The following PLXNC1 variants were observed in gnomAD, a reference collection of about 807,000 sequenced individuals.
PLXNC1 encodes plexin C1.
Under a neutral mutation model 178.2 loss-of-function variants are expected in PLXNC1, and 75 were observed. The ratio of observed to expected loss-of-function variants is 0.42; its 90% CI spans 0.35 to 0.51. PLXNC1 has a LOEUF of 0.51. PLXNC1 is among the 20% of genes least tolerant of loss of function. PLXNC1 has a pLI of 0.02. For missense variants in PLXNC1, 1,503 were observed against 1,984.4 expected (o/e 0.76, Z 4.61); for synonymous variants, 790 against 779.9 (o/e 1.01, Z -0.22).
intron 5 of PLXNC1, among the ~76,000 whole-genome samples, chr12:94,214,648 A>T (rs977913454): frequency 6.6e-6 from 1 of 152,256 alleles, no homozygotes; most frequent in Non-Finnish European, 1.5e-5. Flanking sequence ...ATATTTAAAT[A>T]TCAATAACCT....
At chr12:94,197,655 A>G (rs899804560) in intron 4 of PLXNC1, among the ~76,000 whole-genome samples, 2 of 152,222 alleles carry the variant, frequency 1.3e-5, no homozygotes, top group African/African-American at 2.4e-5. Flanking sequence ...GACACCATGT[A>G]AGGTGACACA....
At chr12:94,266,674 G>A (rs1221434789) in intron 21 of PLXNC1, among the ~76,000 whole-genome samples, 1 of 152,186 alleles carries the variant, frequency 6.6e-6, no homozygotes, top group Non-Finnish European at 1.5e-5. Context: ...GTAATGTTGG[G>A]CAAGTTTCTA....
intron 2 of PLXNC1, among the ~76,000 whole-genome samples, chr12:94,170,095 T>G (rs1216588882): frequency 6.6e-6 from 1 of 152,248 alleles, no homozygotes. Context: ...CTGAGATTCC[T>G]TGGCTTCTCT....
intron 11 of PLXNC1, among the ~76,000 whole-genome samples, chr12:94,241,410 G>A (rs1332700733): frequency 6.6e-6 from 1 of 151,848 alleles, no homozygotes; most frequent in African/African-American, 2.4e-5. Context: ...ATAAATTATT[G>A]TGAGTTATAG....
intron 1 of PLXNC1, among the ~76,000 whole-genome samples, chr12:94,153,900 G>A (rs1174666831): frequency 6.6e-6 from 1 of 152,174 alleles, no homozygotes; most frequent in Non-Finnish European, 1.5e-5. Flanking sequence ...TCCACTTGGC[G>A]ATGCAGCCTA....
chr12:94,225,938 C>T (rs1431067049), intron 7 of PLXNC1, among the ~76,000 whole-genome samples: 1 of 152,176 alleles, frequency 6.6e-6, no homozygotes, highest in Non-Finnish European at 1.5e-5. Context: ...AAACTGGGTC[C>T]CCCGGCCCTG....
chr12:94,210,966 C>A (rs1963450288), intron 5 of PLXNC1, among the ~76,000 whole-genome samples: 1 of 152,132 alleles, frequency 6.6e-6, no homozygotes, highest in Non-Finnish European at 1.5e-5. Context: ...ATACCCAGGA[C>A]TCTGATAAGT....
At chr12:94,209,464 A>G (rs1243973695) in intron 4 of PLXNC1, 126 bp from the exon 5 acceptor site, 2 of 656,556 alleles carry the variant, frequency 3.0e-6, no homozygotes, top group East Asian at 5.1e-5. Context: ...TCAATAATCC[A>G]CTGTACAAGG....
chr12:94,214,875 T>C (rs1466951595), intron 5 of PLXNC1, among the ~76,000 whole-genome samples: 1 of 151,968 alleles, frequency 6.6e-6, no homozygotes. Flanking sequence ...AGTAGTTAGA[T>C]AGCAGAGCAG....
chr12:94,248,599 G>A (rs2136064318), intron 14 of PLXNC1, among the ~76,000 whole-genome samples, 187 bp downstream of exon 14: 1 of 152,296 alleles, frequency 6.6e-6, no homozygotes, highest in African/African-American at 2.4e-5. Flanking sequence ...ATCCATCCCT[G>A]TGCCTGTTCG....
chr12:94,181,664 C>T, intron 3 of PLXNC1, 84 bp downstream of exon 3: 5 of 1,200,608 alleles, frequency 4.2e-6, no homozygotes, highest in Non-Finnish European at 6.1e-6. Flanking sequence ...AAAGCTTTTA[C>T]TTTGAACTAC....
chr12:94,173,939 C>A (rs1961950095), intron 2 of PLXNC1, among the ~76,000 whole-genome samples: 1 of 152,148 alleles, frequency 6.6e-6, no homozygotes, highest in South Asian at 2.1e-4. Flanking sequence ...CAGCTTTACC[C>A]CAGTGGGCTC....
At chr12:94,253,977 C>T (rs1376997636) in intron 15 of PLXNC1, among the ~76,000 whole-genome samples, 2 of 152,176 alleles carry the variant, frequency 1.3e-5, no homozygotes, top group African/African-American at 2.4e-5. Context: ...CCGCACCTGG[C>T]TGTAATTTCT....
intron 21 of PLXNC1, among the ~76,000 whole-genome samples, chr12:94,267,713 G>A (rs1433870756): frequency 6.6e-6 from 1 of 152,272 alleles, no homozygotes; most frequent in South Asian, 2.1e-4. Context: ...CACATGATCC[G>A]TTCTATGCTT....
At chr12:94,234,248 A>G (rs2136042032) in intron 9 of PLXNC1, among the ~76,000 whole-genome samples, 1 of 152,288 alleles carries the variant, frequency 6.6e-6, no homozygotes, top group Admixed American at 6.5e-5. Flanking sequence ...TTCTCCATTA[A>G]TGTCATGGTA....
intron 27 of PLXNC1, among the ~76,000 whole-genome samples, chr12:94,299,628 C>T (rs892431095): frequency 1.7e-4 from 26 of 151,734 alleles, no homozygotes; most frequent in African/African-American, 4.8e-4. Context: ...GGTGGGATCT[C>T]GGTTCACTGC....
intron 21 of PLXNC1, among the ~76,000 whole-genome samples, 192 bp from the exon 22 acceptor site, chr12:94,279,278 TTC>T (rs1424207121): frequency 2.6e-5 from 4 of 152,230 alleles, no homozygotes; most frequent in Admixed American, 1.3e-4. Flanking sequence ...AGTTTTAACT[TTC>T]TGTTTTCCCT....
chr12:94,252,912 C>T lies in PLXNC1; in HGVS notation c.2881+1384C>T, dbSNP rs141447467. Among the ~76,000 whole-genome samples, 232 of 152,254 alleles carry T rather than the reference C, an allele frequency of 1.5e-3. 1 individual carries two copies. The Middle Eastern group carries it at 0.017, about 11-fold the overall frequency. On this transcript the variant is annotated intron_variant, in intron 15 of 30. Transcript: ENST00000258526. The stretch of plus-strand genomic sequence containing the variant: ...CTTCTTTGAAAAAGGAACTCTTATC[C>T]ACCAACAAATAGCACTTTGGCTGGG...
At chr12:94,166,526 ATTATTAT>A (rs1163255993) in intron 1 of PLXNC1, among the ~76,000 whole-genome samples, 27 of 2,914 alleles carry the variant, frequency 9.3e-3, no homozygotes, top group South Asian at 0.025. Context: ...GTTAGCTGGT[ATTATTAT>A]TATTATTATT....
Sources: gnomAD v4.1 joint callset for allele counts (sites outside exome capture counted in the v4.1 genomes callset) on GRCh38, gnomAD v4.1.1 for gene constraint, MANE v1.5 for transcripts, NCBI Gene and HGNC (gene_info 2026-07-23, HGNC 2026-07-21) for gene names.